The following AKT3 variants were observed in gnomAD, a reference collection of about 807,000 sequenced individuals.
AKT3 encodes the protein AKT serine/threonine kinase 3.
In AKT3, 15 loss-of-function variants were observed where a neutral mutation model predicts 65.3. The ratio of observed to expected loss-of-function variants is 0.23; its 90% confidence interval spans 0.15 to 0.35. The LOEUF is 0.35. Among genes scored for constraint, AKT3 ranks in the 10% least tolerant of loss-of-function variants. AKT3 has a pLI of 1.00. For missense variants in AKT3, 243 were observed against 576.5 expected (o/e 0.42, Z 5.92); for synonymous variants, 206 against 183.8 (o/e 1.12, Z -0.98).
intron 2 of AKT3, chr1:243,793,411 T>G (rs1215413246): frequency 6.6e-6 from 1 of 152,090 alleles, no homozygotes; most frequent in Non-Finnish European, 1.5e-5. Flanking sequence ...CATTTTCAAC[T>G]GACCCACACA....
At chr1:243,682,005 T>A (rs553442534) in intron 3 of AKT3, among the ~76,000 whole-genome samples, 1 of 152,152 alleles carries the variant, frequency 6.6e-6, no homozygotes, top group Admixed American at 6.6e-5. Context: ...ACACCAAATA[T>A]AATGGGCAAA....
chr1:243,775,019 C>T (rs896526379), intron 2 of AKT3, among the ~76,000 whole-genome samples: 7 of 152,144 alleles, frequency 4.6e-5, no homozygotes, highest in African/African-American at 9.7e-5. Context: ...TGTGCCACCA[C>T]GCCTAGCTAA....
intron 12 of AKT3, among the ~76,000 whole-genome samples, chr1:243,534,783 TATTTGTAACTAAATGAA>T (rs1671781728): frequency 6.6e-6 from 1 of 152,148 alleles, no homozygotes; most frequent in African/African-American, 2.4e-5. Context: ...AACTTAAAAC[TATTTGTAACTAAATGAA>T]AATAAAACAT....
At chr1:243,823,442 A>G (rs1194886504) in intron 2 of AKT3, among the ~76,000 whole-genome samples, 1 of 152,156 alleles carries the variant, frequency 6.6e-6, no homozygotes, top group Admixed American at 6.5e-5. Context: ...ATGCGAGAGA[A>G]ATTAAGTGTA....
At chr1:243,558,365 A>C (rs1673549088) in intron 10 of AKT3, among the ~76,000 whole-genome samples, 1 of 152,042 alleles carries the variant, frequency 6.6e-6, no homozygotes, top group South Asian at 2.1e-4. Context: ...AGTTGTCAAA[A>C]TATTCTCATC....
intron 10 of AKT3, among the ~76,000 whole-genome samples, chr1:243,561,180 A>G (rs1211092865): frequency 1.3e-5 from 2 of 152,114 alleles, no homozygotes; most frequent in Non-Finnish European, 1.5e-5. Flanking sequence ...ATAACTTAAC[A>G]TTGTTGAAAT....
chr1:243,726,542 G>A (rs559710282), intron 2 of AKT3, among the ~76,000 whole-genome samples: 6 of 152,294 alleles, frequency 3.9e-5, no homozygotes, highest in African/African-American at 1.4e-4. Flanking sequence ...AAAAGAAGTT[G>A]TCAATTTTCT....
chr1:243,527,298 T>C (rs1163144685), intron 12 of AKT3, among the ~76,000 whole-genome samples: 5 of 152,136 alleles, frequency 3.3e-5, no homozygotes. Context: ...AACTATAAAG[T>C]ACCTAAATTA....
At chr1:243,508,635 T>C (rs937464713) in intron 13 of AKT3, among the ~76,000 whole-genome samples, 1 of 146,214 alleles carries the variant, frequency 6.8e-6, no homozygotes, top group Non-Finnish European at 1.5e-5. Flanking sequence ...ACCCCATTTC[T>C]GACACCCACA....
At chr1:243,608,097 AT>A (rs971842794) in intron 8 of AKT3, among the ~76,000 whole-genome samples, 38 of 152,186 alleles carry the variant, frequency 2.5e-4, no homozygotes, top group African/African-American at 8.7e-4. Flanking sequence ...CAATTTCATC[AT>A]TGTGTGAACA....
chr1:243,843,346 A>C (rs1053313819), intron 1 of AKT3, 64 bp from the exon 2 acceptor site: 21 of 1,330,502 alleles, frequency 1.6e-5, no homozygotes, highest in Non-Finnish European at 2.0e-5. Flanking sequence ...GCAATAACAA[A>C]CAACTAATTC....
intron 4 of AKT3, among the ~76,000 whole-genome samples, chr1:243,647,688 T>A (rs968897673): frequency 6.6e-6 from 1 of 152,236 alleles, no homozygotes; most frequent in African/African-American, 2.4e-5. Context: ...TGCAACCATG[T>A]GGTATGCAAA....
At chr1:243,522,658 A>T (rs902445647) in intron 12 of AKT3, among the ~76,000 whole-genome samples, 1 of 152,136 alleles carries the variant, frequency 6.6e-6, no homozygotes, top group Non-Finnish European at 1.5e-5. Context: ...AAAAGAAAAG[A>T]AAAGAAAAAT....
chr1:243,684,759 T>A (rs144831083), intron 3 of AKT3, among the ~76,000 whole-genome samples: 1 of 152,200 alleles, frequency 6.6e-6, no homozygotes, highest in Non-Finnish European at 1.5e-5. Context: ...GTTGAACTAA[T>A]TTACACTCCC....
chr1:243,827,301 T>C (rs561755498), intron 2 of AKT3, among the ~76,000 whole-genome samples: 1 of 152,298 alleles, frequency 6.6e-6, no homozygotes, highest in Admixed American at 6.5e-5. Context: ...GACCTCATTC[T>C]CCATTCCACT....
chr1:243,675,035 A>G (rs2147954425), intron 3 of AKT3, among the ~76,000 whole-genome samples: 1 of 152,232 alleles, frequency 6.6e-6, no homozygotes, highest in South Asian at 2.1e-4. Flanking sequence ...ATATGTACCA[A>G]TTGCATAGGT....
At chr1:243,557,154 G>T (rs1051950516) in intron 10 of AKT3, among the ~76,000 whole-genome samples, 3 of 152,068 alleles carry the variant, frequency 2.0e-5, no homozygotes, top group Non-Finnish European at 4.4e-5. Context: ...ATGATGATTA[G>T]ATCATACTTA....
chr1:243,711,543 T>A (rs1000982643), intron 2 of AKT3, among the ~76,000 whole-genome samples: 1 of 152,206 alleles, frequency 6.6e-6, no homozygotes, highest in African/African-American at 2.4e-5. Context: ...AAACAGCCTC[T>A]ACAGCTTGGT....
chr1:243,584,388 A>AG (rs1178002212), intron 8 of AKT3, among the ~76,000 whole-genome samples: 1 of 152,174 alleles, frequency 6.6e-6, no homozygotes, highest in Admixed American at 6.6e-5. Flanking sequence ...GTAAGGTACA[A>AG]GGAAGAGGTG....
Sources: gnomAD v4.1 joint callset for allele counts (sites outside exome capture counted in the v4.1 genomes callset) on GRCh38, gnomAD v4.1.1 for gene constraint, MANE v1.5 for transcripts, NCBI Gene and HGNC (gene_info 2026-07-23, HGNC 2026-07-21) for gene names.